The following CTNNA3 variants were observed in gnomAD, a reference collection of about 807,000 sequenced individuals.
CTNNA3 encodes catenin alpha-3.
Under a neutral mutation model 95.7 loss-of-function variants are expected in CTNNA3, and 76 were observed. That is an observed-to-expected ratio of 0.79 (90% CI 0.66 to 0.96). The LOEUF (loss-of-function observed/expected upper bound fraction) is 0.96, where lower values mean the gene tolerates loss of function less well. Among genes scored for constraint, CTNNA3 ranks in the 40% least tolerant of loss-of-function variants. The probability of loss-of-function intolerance (pLI) is 0.00; values close to 1 mark genes in which losing one functional copy is unlikely to be tolerated. For missense variants in CTNNA3, 1,191 were observed against 1,089.8 expected (o/e 1.09, Z -1.31); for synonymous variants, 431 against 374.4 (o/e 1.15, Z -1.74).
intron 11 of CTNNA3, among the ~76,000 whole-genome samples, chr10:66,405,139 C>T (rs549693075): frequency 6.6e-6 from 1 of 152,152 alleles, no homozygotes; most frequent in East Asian, 1.9e-4. Flanking sequence ...GAATGAGTGT[C>T]TTTATACAGA....
chr10:67,624,768 G>A (rs1843971208), intron 2 of CTNNA3, among the ~76,000 whole-genome samples: 1 of 152,114 alleles, frequency 6.6e-6, no homozygotes, highest in Admixed American at 6.6e-5. Flanking sequence ...CAGACTCCCA[G>A]TCTCTCTCTC....
At chr10:67,059,822 T>G (rs1454799870) in intron 7 of CTNNA3, among the ~76,000 whole-genome samples, 1 of 152,202 alleles carries the variant, frequency 6.6e-6, no homozygotes, top group Non-Finnish European at 1.5e-5. Context: ...CTAATGTATA[T>G]TTGCATATAT....
rs10997754 is a variant in CTNNA3 at position 67,606,938 on chromosome 10, C to T, written c.211G>A (p.Asp71Asn). The change falls in exon 3 of 18, where the codon GAC becomes AAC. Residue 71 changes from aspartate (D) to asparagine (N), a missense_variant. Asp to Asn is a conservative substitution (Grantham distance 23). Transcript: ENST00000433211. ...TCCTGGGCAATCTTCTCTCCCTTGTCTAATAAATTCCAAGTTGCTTCCTCC... is the reference window on the plus strand; with the variant it reads ...TCCTGGGCAATCTTCTCTCCCTTGTTTAATAAATTCCAAGTTGCTTCCTCC... ...SVEEATWNLLDKGEKIAQEAT... is the reference protein window; with the variant it reads ...SVEEATWNLLNKGEKIAQEAT... 6.2e-7 allele frequency: 1 copy of T among 1,614,096 alleles called. No homozygotes were observed. Among genetic ancestry groups the T allele is most frequent in the South Asian group, 1.1e-5 (1 of 91,090 alleles).
At chr10:67,567,255 CAAA>C (rs57832662) in intron 3 of CTNNA3, among the ~76,000 whole-genome samples, 3 of 135,448 alleles carry the variant, frequency 2.2e-5, no homozygotes, top group African/African-American at 7.8e-5. Flanking sequence ...GAGAAAATGG[CAAA>C]AAAAAAAAAG....
intron 7 of CTNNA3, among the ~76,000 whole-genome samples, chr10:66,818,768 A>G (rs1271681669): frequency 1.3e-5 from 2 of 152,004 alleles, no homozygotes; most frequent in Non-Finnish European, 2.9e-5. Context: ...CATAATATTC[A>G]TATGGAAAAG....
chr10:66,653,065 G>A (rs1305853676), intron 9 of CTNNA3, among the ~76,000 whole-genome samples: 1 of 152,106 alleles, frequency 6.6e-6, no homozygotes, highest in African/African-American at 2.4e-5. Context: ...ATAAGACAAG[G>A]ATTCCCGTTC....
At chr10:66,328,800 A>ATG (rs1396884117) in intron 12 of CTNNA3, among the ~76,000 whole-genome samples, 1 of 150,672 alleles carries the variant, frequency 6.6e-6, no homozygotes, top group East Asian at 2.0e-4. Flanking sequence ...AGAACCAATA[A>ATG]TGTAAGTTTC....
intron 12 of CTNNA3, 49 bp downstream of exon 12, chr10:66,379,103 T>C (rs1156913862): frequency 1.4e-6 from 2 of 1,433,782 alleles, no homozygotes; most frequent in Non-Finnish European, 2.0e-6. Context: ...CGTAGCTATG[T>C]AGATTCAAAT....
chr10:66,230,902 G>T (rs2089554782), intron 13 of CTNNA3, among the ~76,000 whole-genome samples: 1 of 152,128 alleles, frequency 6.6e-6, no homozygotes, highest in Admixed American at 6.5e-5. Context: ...TTCATCTTTT[G>T]TCATGATGCT....
intron 13 of CTNNA3, among the ~76,000 whole-genome samples, chr10:66,255,126 C>T (rs2090712125): frequency 1.3e-5 from 2 of 152,182 alleles, no homozygotes; most frequent in Non-Finnish European, 2.9e-5. Flanking sequence ...TTGTCACAGA[C>T]ATCACATCGC....
At chr10:66,290,530 GTATT>G (rs2132190941) in intron 12 of CTNNA3, among the ~76,000 whole-genome samples, 1 of 152,120 alleles carries the variant, frequency 6.6e-6, no homozygotes, top group East Asian at 1.9e-4. Context: ...AATGTATCAT[GTATT>G]TATTTATGTT....
At chr10:66,218,499 C>T (rs2088701065) in intron 13 of CTNNA3, among the ~76,000 whole-genome samples, 1 of 152,156 alleles carries the variant, frequency 6.6e-6, no homozygotes, top group African/African-American at 2.4e-5. Context: ...CTGAAGCCTT[C>T]TGCAAAAACC....
chr10:67,625,324 T>C (rs1330446257), intron 2 of CTNNA3, among the ~76,000 whole-genome samples: 2 of 152,182 alleles, frequency 1.3e-5, no homozygotes, highest in African/African-American at 4.8e-5. Context: ...CCCTCCTCAA[T>C]ACTGGAGGCA....
chr10:67,012,981 C>T (rs1852435939), intron 7 of CTNNA3: 1 of 151,970 alleles, frequency 6.6e-6, no homozygotes, highest in Non-Finnish European at 1.5e-5. Context: ...TTATATTTTC[C>T]AGGTAAGGCA....
At chr10:66,328,751 G>A (rs1268410529) in intron 12 of CTNNA3, among the ~76,000 whole-genome samples, 3 of 150,880 alleles carry the variant, frequency 2.0e-5, no homozygotes, top group African/African-American at 7.3e-5. Context: ...AAATCTGGTC[G>A]TATAATTTAA....
intron 1 of CTNNA3, among the ~76,000 whole-genome samples, chr10:67,752,903 AAT>A (rs1841414772): frequency 6.6e-6 from 1 of 152,210 alleles, no homozygotes; most frequent in Non-Finnish European, 1.5e-5. Flanking sequence ...TACCCAAAGT[AAT>A]TTACAGATTT....
At chr10:67,312,075 C>CTTT (rs5785820) in intron 5 of CTNNA3, among the ~76,000 whole-genome samples, 9 of 142,348 alleles carry the variant, frequency 6.3e-5, no homozygotes, top group Non-Finnish European at 7.6e-5. Context: ...ATTTAAATTA[C>CTTT]TTTTTTTTTT....
At chr10:67,211,762 G>C (rs1159950442) in intron 6 of CTNNA3, among the ~76,000 whole-genome samples, 2 of 152,142 alleles carry the variant, frequency 1.3e-5, no homozygotes, top group East Asian at 1.9e-4. Flanking sequence ...TATTTGGAAA[G>C]AGTAATTGTT....
chr10:66,964,212 C>G (rs1849277965), intron 7 of CTNNA3, among the ~76,000 whole-genome samples: 1 of 151,876 alleles, frequency 6.6e-6, no homozygotes, highest in South Asian at 2.1e-4. Context: ...CTTTGGGATT[C>G]AGCACAACAT....
Sources: allele counts gnomAD v4.1 joint callset (sites outside exome capture counted in the v4.1 genomes callset), GRCh38; gene constraint gnomAD v4.1.1; transcripts MANE v1.5; gene names NCBI Gene and HGNC (gene_info 2026-07-23, HGNC 2026-07-21).